IL12B: variants seen among roughly 807,000 people sequenced by gnomAD.
IL12B encodes the protein interleukin-12 subunit beta.
IL12B carries 27 observed loss-of-function variants against 39.2 expected under a neutral mutation model. That is an observed-to-expected ratio of 0.69 (90% CI 0.51 to 0.95). The LOEUF is 0.95. Ranked by LOEUF, IL12B falls within the 40% of genes least tolerant of loss-of-function variation. The pLI is 0.00. For synonymous variants in IL12B, 142 were observed against 152.1 expected, an observed-to-expected ratio of 0.93 and a Z score of 0.49; for missense variants, 351 against 397.6, an observed-to-expected ratio of 0.88 and a Z score of 1.00.
At chr5:159,320,203 G>T in intron 5 of IL12B, 103 bp downstream of exon 5, 1 of 951,718 alleles carries the variant, frequency 1.1e-6, no homozygotes, top group Non-Finnish European at 1.7e-6. Context: ...GAATAAAAGA[G>T]ATGATGCTTG....
At chr5:159,317,798 C>G (rs1047646640) in intron 6 of IL12B, among the ~76,000 whole-genome samples, 3 of 152,218 alleles carry the variant, frequency 2.0e-5, no homozygotes, top group Non-Finnish European at 2.9e-5. Flanking sequence ...TACATGCACT[C>G]AGTTGAAACA....
At chr5:159,321,384 CACAT>C (rs1243549751) in intron 4 of IL12B, among the ~76,000 whole-genome samples, 8 of 145,780 alleles carry the variant, frequency 5.5e-5, no homozygotes, top group African/African-American at 1.9e-4. Flanking sequence ...CACACACACA[CACAT>C]ATGTATACAC....
At chr5:159,320,809 C>T (rs1341070418) in intron 4 of IL12B, among the ~76,000 whole-genome samples, 1 of 152,096 alleles carries the variant, frequency 6.6e-6, no homozygotes, top group Non-Finnish European at 1.5e-5. Context: ...TTCATTTTTT[C>T]CCATTTTAAT....
At chr5:159,323,033 T>C in intron 3 of IL12B, 21 bp downstream of exon 3, 3 of 1,611,158 alleles carry the variant, frequency 1.9e-6, no homozygotes, top group Middle Eastern at 1.7e-4. Context: ...AAATTGATAC[T>C]ATCCAAGGGT....
At chr5:159,323,461 C>T in intron 2 of IL12B, 132 bp from the exon 3 acceptor site, 2 of 835,250 alleles carry the variant, frequency 2.4e-6, no homozygotes, top group Non-Finnish European at 3.9e-6. Flanking sequence ...CAAATGCTTG[C>T]TGAGATGATC....
intron 4 of IL12B, among the ~76,000 whole-genome samples, chr5:159,322,009 C>T (rs1266139464): frequency 6.6e-6 from 1 of 152,044 alleles, no homozygotes; most frequent in Non-Finnish European, 1.5e-5. Context: ...AGATCTACGC[C>T]CTGGAGCTCT....
At chr5:159,328,066 C>A (rs1754221227) in intron 1 of IL12B, among the ~76,000 whole-genome samples, 1 of 152,134 alleles carries the variant, frequency 6.6e-6, no homozygotes, top group Non-Finnish European at 1.5e-5. Flanking sequence ...AATGAGCATT[C>A]CTGGGTTGGG....
chr5:159,315,618 C>T lies in IL12B; in HGVS notation c.*483G>A, dbSNP rs1753976930. Reference sequence around the variant, plus strand: ...GTATCTCTTGCGTTCCCATCCATCACAAGTGTATGATGGCACTGGTATCAG... The same window carrying T: ...GTATCTCTTGCGTTCCCATCCATCATAAGTGTATGATGGCACTGGTATCAG... On this transcript the variant is annotated 3_prime_UTR_variant, in exon 8 of 8. Transcript: ENST00000231228. 6.5e-6 allele frequency: 1 copy of T among 152,770 alleles called. No individual in the cohort carries two copies. Among genetic ancestry groups the T allele is most frequent in the Non-Finnish European group, 1.5e-5 (1 of 68,046 alleles). 9.5% of individuals were successfully genotyped at this position (152,770 alleles called of 1,614,324 possible).
intron 6 of IL12B, 136 bp from the exon 7 acceptor site, chr5:159,316,952 G>A: frequency 1.1e-6 from 1 of 936,744 alleles, no homozygotes; most frequent in East Asian, 2.4e-5. Flanking sequence ...AATTCACAGG[G>A]GTGTGCATAG....
chr5:159,321,848 T>C (rs904493410), intron 4 of IL12B, among the ~76,000 whole-genome samples: 2 of 152,206 alleles, frequency 1.3e-5, no homozygotes, highest in Non-Finnish European at 2.9e-5. Context: ...CTTGTATTTA[T>C]GGAAGTTGCT....
rs142017503 is a variant in IL12B, at chr5:159,323,136, G to A, written c.282C>T (p.Gly94=). ...DAGQYTCHKG[G]EVLSHSLLLL... ...GCAGGAGCGAATGGCTTAGAACCTC[G>A]CCTCCTTTGTGACAGGTGTACTGGC... is the stretch of plus-strand genomic sequence containing the variant. Residue 94 remains glycine, a synonymous_variant, in exon 3 of 8, where the codon GGC becomes GGT. Coordinates refer to ENST00000231228, the MANE Select transcript of IL12B (RefSeq NM_002187.3). 2.2e-5 allele frequency: 36 copies of A among 1,613,884 alleles called. No homozygotes were observed. The highest frequency in any genetic ancestry group is 6.7e-5 in the Admixed American group (4 of 59,990).
chr5:159,326,713 A>G lies in IL12B; in HGVS notation c.70T>C (p.Trp24Arg), dbSNP rs762144588. 16 of 1,612,340 alleles carry G rather than the reference A, an allele frequency of 9.9e-6. No individual in the cohort carries two copies. In the South Asian group the frequency reaches 1.2e-4, roughly 12 times the overall value. Reference sequence around the variant, plus strand: ...TGGTTACCATCTTTCTTCAGTTCCCATATGGCCACGAGGGGAGATGCCAGA... The same window carrying G: ...TGGTTACCATCTTTCTTCAGTTCCCGTATGGCCACGAGGGGAGATGCCAGA... ...VFLASPLVAIWELKKDVYVVE... is the reference protein window; with the variant it reads ...VFLASPLVAIRELKKDVYVVE... The change falls in exon 2 of 8, where the codon TGG (tryptophan) becomes CGG (arginine). Residue 24 changes from tryptophan to arginine, a missense_variant. Coordinates refer to ENST00000231228, the MANE Select transcript of IL12B (RefSeq NM_002187.3).
chr5:159,322,259 G>A, intron 4 of IL12B, 135 bp downstream of exon 4: 1 of 750,304 alleles, frequency 1.3e-6, no homozygotes, highest in East Asian at 2.5e-5. Flanking sequence ...AGACAAGGAA[G>A]GGCGGTTGAA....
Position 159,316,751 on chromosome 5 carries a change from G to T in IL12B, c.921C>A (p.Ser307Arg). 1 of 1,614,046 alleles carries T rather than the reference G, an allele frequency of 6.2e-7. No homozygotes were observed. The highest frequency in any genetic ancestry group is 1.3e-5 in the African/African-American group (1 of 75,038). The change falls in exon 7 of 8, where the codon AGC becomes AGA. Residue 307 changes from serine to arginine, a missense_variant. Ser to Arg is a moderately radical substitution (Grantham distance 110). Transcript: ENST00000231228. ...TVICRKNASI[S>R]VRAQDRYYSS... is the part of the protein sequence containing the mutation. ...TATAGTAGCGGTCCTGGGCCCGCAC[G>T]CTAATGCTGGCATTTTTGCGGCAGA...
Position 159,315,045 on chromosome 5 carries a change from G to A in IL12B, c.*1056C>T, listed in dbSNP as rs890031640. On this transcript the variant is annotated 3_prime_UTR_variant, in exon 8 of 8. Coordinates refer to ENST00000231228, the MANE Select transcript of IL12B (RefSeq NM_002187.3). ...CCACCTGCCATTCTGACAATTTCAT[G>A]TCCTTAGCCATAACTACTTGTCCTC... 2.6e-5 allele frequency: 4 copies of A among 152,288 alleles called. No homozygotes were observed. Among genetic ancestry groups the A allele is most frequent in the African/African-American group, 4.8e-5 (2 of 41,432 alleles). 9.4% of individuals were successfully genotyped at this position (152,288 alleles called of 1,614,324 possible).
At chr5:159,323,411 C>G in intron 2 of IL12B, 82 bp from the exon 3 acceptor site, 1 of 1,322,000 alleles carries the variant, frequency 7.6e-7, no homozygotes. Flanking sequence ...TCGGGCATCC[C>G]CATTGCCTAA....
chr5:159,322,928 CA>C, intron 3 of IL12B, 125 bp downstream of exon 3: 1 of 948,540 alleles, frequency 1.1e-6, no homozygotes, highest in Non-Finnish European at 1.7e-6. Flanking sequence ...CAATTAACAT[CA>C]ATAAGAGACT....
At chr5:159,321,988 CA>C (rs1754101744) in intron 4 of IL12B, among the ~76,000 whole-genome samples, 1 of 151,968 alleles carries the variant, frequency 6.6e-6, no homozygotes, top group African/African-American at 2.4e-5. Flanking sequence ...GAGTCTGCTT[CA>C]GGGCCCCTAA....
At chr5:159,323,576 C>G (rs1421804491) in intron 2 of IL12B, among the ~76,000 whole-genome samples, 1 of 152,132 alleles carries the variant, frequency 6.6e-6, no homozygotes, top group African/African-American at 2.4e-5. Flanking sequence ...TTAATAGTAA[C>G]CTTTGATTAT....
Sources: gnomAD v4.1 joint callset for allele counts (sites outside exome capture counted in the v4.1 genomes callset) on GRCh38, gnomAD v4.1.1 for gene constraint, MANE v1.5 for transcripts, NCBI Gene and HGNC (gene_info 2026-07-23, HGNC 2026-07-21) for gene names.